Variants in TARS3 observed in about 807,000 individuals in gnomAD.
TARS3 encodes the protein threonyl-tRNA synthetase 3.
A neutral mutation model predicts 103.5 loss-of-function variants in TARS3; 94 were observed. The ratio of observed to expected loss-of-function variants is 0.91; its 90% CI spans 0.77 to 1.08. The LOEUF (loss-of-function observed/expected upper bound fraction) is 1.08, where lower values mean the gene tolerates loss of function less well. Ranked by LOEUF, TARS3 falls within the 50% of genes least tolerant of loss-of-function variation. The pLI, the probability that TARS3 is intolerant of heterozygous loss-of-function variation, is 0.00. For synonymous variants in TARS3, 416 were observed against 355.4 expected, an observed-to-expected ratio of 1.17 and a Z score of -1.92; for missense variants, 952 against 995.2, an observed-to-expected ratio of 0.96 and a Z score of 0.58.
intron 12 of TARS3, among the ~76,000 whole-genome samples, chr15:101,681,778 C>G (rs182778932): frequency 4.6e-5 from 7 of 152,286 alleles, no homozygotes; most frequent in Non-Finnish European, 8.8e-5. Flanking sequence ...AATTACTTCC[C>G]AAAAGCCCCA....
chr15:101,656,241 A>G (rs957017592), intron 18 of TARS3, among the ~76,000 whole-genome samples: 2 of 152,242 alleles, frequency 1.3e-5, no homozygotes, highest in South Asian at 2.1e-4. Context: ...TTCTGCCACC[A>G]TAAGAAGCCT....
chr15:101,654,683 T>C lies in TARS3; in HGVS notation c.2308A>G (p.Arg770Gly), dbSNP rs1286332096. 1.9e-6 allele frequency: 3 copies of C among 1,614,034 alleles called. No individual in the cohort carries two copies. The highest frequency in any genetic ancestry group is 2.7e-5 in the African/African-American group (2 of 74,950). Residue 770 changes from arginine to glycine, a missense_variant, in exon 19 of 19, where the codon AGA becomes GGA. Transcript: ENST00000335968. ...KIDNAVNVRTRDNKIHGEILV... is the reference protein window; with the variant it reads ...KIDNAVNVRTGDNKIHGEILV... ...ATCTCTCCATGAATTTTGTTGTCTC[T>C]TGTTCGCACGTTTACAGCATTATCT...
intron 12 of TARS3, among the ~76,000 whole-genome samples, chr15:101,682,121 T>C (rs1300620002): frequency 6.6e-6 from 1 of 152,204 alleles, no homozygotes; most frequent in African/African-American, 2.4e-5. Context: ...GTGTTTTTTA[T>C]TTCTCTTTCT....
In TARS3 at chr15:101,711,884, C is replaced by T. The variant is rs749357455; in HGVS notation, c.808G>A (p.Asp270Asn). The T allele has an allele frequency of 5.0e-6, 8 of 1,613,568 alleles. No individual in the cohort carries two copies. Among genetic ancestry groups the T allele is most frequent in the African/African-American group, 1.3e-5 (1 of 74,882 alleles). ...NGFYYDMFIE[D>N]RAVSSTELSA... ...AGCCAGTATTCAGTGTGTTACCTGT[C>T]TTCAATGAACATGTCATAATAAAAT... is the stretch of plus-strand genomic sequence containing the variant. The change falls in exon 5 of 19, where the codon GAC (aspartate) becomes AAC (asparagine). Residue 270 changes from aspartate (D) to asparagine (N), a missense_variant. Coordinates refer to ENST00000335968, the MANE Select transcript of TARS3 (RefSeq NM_152334.3).
At chr15:101,683,911 A>C (rs1182381985) in intron 12 of TARS3, among the ~76,000 whole-genome samples, 164 bp downstream of exon 12, 1 of 152,218 alleles carries the variant, frequency 6.6e-6, no homozygotes, top group African/African-American at 2.4e-5. Flanking sequence ...AGAGATGATT[A>C]ATCTATTGAC....
intron 16 of TARS3, among the ~76,000 whole-genome samples, chr15:101,660,720 CAGA>C (rs1897344833): frequency 6.6e-6 from 1 of 152,202 alleles, no homozygotes; most frequent in African/African-American, 2.4e-5. Flanking sequence ...CCTGAATTCT[CAGA>C]AGAGATGTAG....
chr15:101,686,608 T>C lies in TARS3; in HGVS notation c.1321-546A>G, dbSNP rs923549503. Among the ~76,000 whole-genome samples, 47 of 152,196 alleles carry C rather than the reference T, an allele frequency of 3.1e-4. 1 individual carries two copies. Among genetic ancestry groups the C allele is most frequent in the Non-Finnish European group, 1.5e-5 (1 of 68,036 alleles). On this transcript the variant is annotated intron_variant, in intron 10 of 18. Transcript: ENST00000335968. The stretch of plus-strand genomic sequence containing the variant: ...CTGGAGACAGGAGAAGAGAGTTTTT[T>C]TCCAAGCAAAGTTTTAACTTTATTT...
intron 2 of TARS3, 70 bp downstream of exon 2, chr15:101,723,023 G>T: frequency 3.0e-6 from 4 of 1,345,260 alleles, no homozygotes; most frequent in Non-Finnish European, 1.1e-6. Flanking sequence ...GAAATCCTAG[G>T]TAATTAACTA....
At chr15:101,673,212 C>T (rs1004206124) in intron 13 of TARS3, among the ~76,000 whole-genome samples, 9 of 152,198 alleles carry the variant, frequency 5.9e-5, no homozygotes, top group Non-Finnish European at 1.2e-4. Flanking sequence ...TGACCTCAGG[C>T]TTGGCTGCTA....
Position 101,671,598 on chromosome 15 carries a change from A to G in TARS3, c.1867-12T>C. On this transcript the variant is annotated splice_polypyrimidine_tract_variant and intron_variant, in intron 14 of 18. Coordinates refer to ENST00000335968, the MANE Select transcript of TARS3 (RefSeq NM_152334.3). ...ATTTTTATGTCAATCTACAAATTAA[A>G]TAATGTTTGCTCAGAAAAGAGTATT... 1 of 1,609,730 alleles carries G rather than the reference A, an allele frequency of 6.2e-7. No individual in the cohort carries two copies. The highest frequency in any genetic ancestry group is 8.5e-7 in the Non-Finnish European group (1 of 1,176,320).
At chr15:101,699,462 T>C (rs772038851) in intron 10 of TARS3, 2 of 456,038 alleles carry the variant, frequency 4.4e-6, no homozygotes, top group South Asian at 3.1e-5. Flanking sequence ...ATCCCCTTAA[T>C]GCCACTGTAA....
Position 101,708,875 on chromosome 15 carries a change from T to C in TARS3, c.848A>G (p.Asn283Ser), listed in dbSNP as rs151126390. The part of the protein sequence containing the change: ...VSSTELSALE[N>S]ICKAIIKEKQ... ...TTCTTTTATGATGGCTTTACATATA[T>C]TCTCCAGGGCTGACAATTCTGTGCT... is the stretch of plus-strand genomic sequence containing the variant. The change falls in exon 6 of 19, where the codon AAT becomes AGT. Residue 283 changes from asparagine to serine, a missense_variant. Asn to Ser is a conservative substitution (Grantham distance 46, BLOSUM62 1). Coordinates refer to ENST00000335968, the MANE Select transcript of TARS3 (RefSeq NM_152334.3). The C allele has an allele frequency of 1.2e-6, 2 of 1,611,798 alleles. No homozygotes were observed. Among genetic ancestry groups the C allele is most frequent in the East Asian group, 2.2e-5 (1 of 44,876 alleles).
chr15:101,707,248 T>C (rs781329842), intron 6 of TARS3, among the ~76,000 whole-genome samples: 5 of 151,870 alleles, frequency 3.3e-5, no homozygotes, highest in Non-Finnish European at 5.9e-5. Flanking sequence ...GACTGTAAAA[T>C]GGTGTAGCCA....
Position 101,711,939 on chromosome 15 carries a change from G to C in TARS3, c.753C>G (p.His251Gln), listed in dbSNP as rs758984706. The C allele has an allele frequency of 6.2e-7, 1 of 1,613,948 alleles. No homozygotes were observed. Reference protein sequence around the residue: ...GEAMELYYGGHLCYGPPIENG... With the variant: ...GEAMELYYGGQLCYGPPIENG... ...TTTCAATGGGCGGACCGTAGCACAG[G>C]TGGCCTCCATAGTAAAGCTCCATGG... The change falls in exon 5 of 19, where the codon CAC becomes CAG. Residue 251 changes from histidine to glutamine, a missense_variant. This residue lies in a region of TARS3 where 412 missense variants were observed against 364.2 expected (regional missense o/e 1.13). Coordinates refer to ENST00000335968, the MANE Select transcript of TARS3 (RefSeq NM_152334.3).
intron 10 of TARS3, chr15:101,699,401 C>T (rs1204405374): frequency 2.2e-6 from 1 of 455,842 alleles, no homozygotes; most frequent in East Asian, 6.9e-5. Context: ...ACAATCAGGC[C>T]CTGCTCCTGT....
chr15:101,655,826 G>C (rs1353025297), intron 18 of TARS3: 1 of 1,244,670 alleles, frequency 8.0e-7, no homozygotes, highest in Admixed American at 2.5e-5. Context: ...AGATGAGAGC[G>C]GGGAGCTCTT....
intron 15 of TARS3, among the ~76,000 whole-genome samples, chr15:101,663,843 G>T (rs1897475156): frequency 1.3e-5 from 2 of 152,154 alleles, no homozygotes; most frequent in African/African-American, 4.8e-5. Context: ...CTTCCCAACT[G>T]TGTTGAGATG....
intron 10 of TARS3, among the ~76,000 whole-genome samples, chr15:101,697,777 C>A (rs1185158518): frequency 6.6e-6 from 1 of 152,130 alleles, no homozygotes; most frequent in Non-Finnish European, 1.5e-5. Flanking sequence ...TAGGAGTGTG[C>A]TTTGTAGACC....
At chr15:101,705,811 C>G in intron 6 of TARS3, 64 bp from the exon 7 acceptor site, 3 of 1,336,976 alleles carry the variant, frequency 2.2e-6, no homozygotes, top group Non-Finnish European at 3.1e-6. Flanking sequence ...AACAACTCTA[C>G]TTTTCTTCAA....
Sources: allele counts gnomAD v4.1 joint callset (sites outside exome capture counted in the v4.1 genomes callset), GRCh38; gene constraint gnomAD v4.1.1; regional missense constraint gnomAD v4.1.1; transcripts MANE v1.5; gene names NCBI Gene and HGNC (gene_info 2026-07-23, HGNC 2026-07-21).